Variants in STK33 observed in about 807,000 individuals in gnomAD.
STK33 encodes serine/threonine-protein kinase 33.
STK33 carries 52 observed loss-of-function variants against 58.0 expected under a neutral mutation model. That is an observed-to-expected ratio of 0.90 (90% CI 0.72 to 1.13). STK33 has a LOEUF of 1.13. STK33 is among the 50% of genes most tolerant of loss of function. The probability of loss-of-function intolerance (pLI) is 0.00; values close to 1 mark genes in which losing one functional copy is unlikely to be tolerated. For synonymous variants in STK33, 215 were observed against 200.1 expected, an observed-to-expected ratio of 1.07 and a Z score of -0.63; for missense variants, 630 against 604.2, an observed-to-expected ratio of 1.04 and a Z score of -0.45.
rs1940614065 is a variant in STK33, at chr11:8,413,413, AAGAC to A, written c.1344+78_1344+81del. The stretch of plus-strand genomic sequence containing the variant: ...GCCTTTGTTACAAACTAACAACAAA[AAGAC>A]AGATTTGCAAAAAAAATGTTCCAGG... On this transcript the variant is annotated intron_variant, in intron 15 of 15. Coordinates refer to ENST00000687296, the MANE Select transcript of STK33 (RefSeq NM_001352389.2). The A allele has an allele frequency of 5.5e-6, 8 of 1,461,160 alleles. No homozygotes were observed. The East Asian group carries it at 1.9e-4, about 34-fold the overall frequency. The allele number at this position is 1,461,160 out of a possible 1,614,324, so 90.5% of individuals were successfully genotyped here. A position where few individuals can be genotyped will look rare whatever the true frequency, so the allele number is the denominator to read the frequency against.
downstream of STK33, among the ~76,000 whole-genome samples, chr11:8,389,347 T>C (rs1848587350): frequency 6.6e-6 from 1 of 152,184 alleles, no homozygotes; most frequent in Non-Finnish European, 1.5e-5. Flanking sequence ...CATCTCCCCT[T>C]GGTGCCTTCA....
intron 1 of STK33, among the ~76,000 whole-genome samples, chr11:8,489,668 T>A (rs1219996844): frequency 6.6e-6 from 1 of 152,208 alleles, no homozygotes; most frequent in African/African-American, 2.4e-5. Flanking sequence ...AATCACCTCT[T>A]AAAGGTCCTA....
At chr11:8,395,005 G>A (rs138549288) in intron 15 of STK33, among the ~76,000 whole-genome samples, 152 of 152,230 alleles carry the variant, frequency 1.0e-3, no homozygotes, top group African/African-American at 3.6e-3. Flanking sequence ...AATTTATAGT[G>A]TACAATTTCA....
chr11:8,435,505 G>T lies in STK33; in HGVS notation c.1135C>A (p.Gln379Lys). The change falls in exon 14 of 16, where the codon CAG becomes AAG. Residue 379 changes from glutamine (Q) to lysine (K), a missense_variant. Coordinates refer to ENST00000687296, the MANE Select transcript of STK33 (RefSeq NM_001352389.2). Reference protein sequence around the residue: ...RITAKELLDNQWLTGNKLSSV... With the variant: ...RITAKELLDNKWLTGNKLSSV... ...ATATTGTAACTTACTGTTAACCACTGGTTATCTAGTAGTTCCTTAGCTGTG... is the reference window on the plus strand; with the variant it reads ...ATATTGTAACTTACTGTTAACCACTTGTTATCTAGTAGTTCCTTAGCTGTG... 1 of 1,458,502 alleles carries T rather than the reference G, an allele frequency of 6.9e-7. No homozygotes were observed. Among genetic ancestry groups the T allele is most frequent in the South Asian group, 1.6e-5 (1 of 61,542 alleles). 90.3% of individuals were successfully genotyped at this position (1,458,502 alleles called of 1,614,324 possible).
intron 1 of STK33, among the ~76,000 whole-genome samples, chr11:8,586,572 C>T (rs150159046): frequency 3.4e-4 from 52 of 152,168 alleles, no homozygotes; most frequent in Admixed American, 2.9e-3. Context: ...ACCTGTAATC[C>T]CAGCACTTTG....
chr11:8,474,612 T>A, intron 5 of STK33, 69 bp downstream of exon 5: 1 of 1,127,090 alleles, frequency 8.9e-7, no homozygotes, highest in Non-Finnish European at 1.3e-6. Context: ...GGGATATGGA[T>A]GAAGCTAGGA....
At chr11:8,440,283 A>G (rs750083791) in intron 12 of STK33, among the ~76,000 whole-genome samples, 2 of 152,090 alleles carry the variant, frequency 1.3e-5, no homozygotes, top group Non-Finnish European at 2.9e-5. Context: ...ACTCCCACCT[A>G]TGCTCTGCCT....
At chr11:8,553,225 GGT>G (rs1956481558) in intron 1 of STK33, among the ~76,000 whole-genome samples, 2 of 67,524 alleles carry the variant, frequency 3.0e-5, no homozygotes, top group African/African-American at 6.4e-5. Flanking sequence ...ATATATATAT[GGT>G]GTGTATATAT....
chr11:8,475,526 T>A (rs1468167363), intron 4 of STK33: 1 of 152,192 alleles, frequency 6.6e-6, no homozygotes, highest in Non-Finnish European at 1.5e-5. Flanking sequence ...TTAGAGCAAA[T>A]TCCTATTACA....
At chr11:8,574,551 A>G (rs1958045773) in intron 1 of STK33, among the ~76,000 whole-genome samples, 1 of 152,194 alleles carries the variant, frequency 6.6e-6, no homozygotes, top group African/African-American at 2.4e-5. Flanking sequence ...TCAAACATTT[A>G]AAGAAGAAAT....
chr11:8,428,860 T>C (rs1464716302), intron 14 of STK33, among the ~76,000 whole-genome samples: 2 of 152,160 alleles, frequency 1.3e-5, no homozygotes, highest in Non-Finnish European at 2.9e-5. Context: ...GTTCTCTTGA[T>C]CAATTATATA....
At chr11:8,517,473 T>C (rs1003744913) in intron 1 of STK33, among the ~76,000 whole-genome samples, 8 of 152,322 alleles carry the variant, frequency 5.3e-5, no homozygotes, top group East Asian at 1.9e-4. Context: ...GGAACAAAGC[T>C]GGACGGAGAA....
the STK33 span, among the ~76,000 whole-genome samples, chr11:8,360,988 G>A: frequency 1.3e-5 from 2 of 152,288 alleles, no homozygotes; most frequent in Middle Eastern, 3.4e-3. Flanking sequence ...CTAAATTAGC[G>A]TTGCATTGAA....
chr11:8,468,868 G>A lies in STK33; in HGVS notation c.340-4046C>T, dbSNP rs1948493125. Among the ~76,000 whole-genome samples, 3 of 151,990 alleles carry A rather than the reference G, an allele frequency of 2.0e-5. No homozygotes were observed. The South Asian group carries it at 6.2e-4, about 32-fold the overall frequency. On this transcript the variant is annotated intron_variant, in intron 6 of 15. Coordinates refer to ENST00000687296, the MANE Select transcript of STK33 (RefSeq NM_001352389.2). ...ACCATAAAGCAAAAATTGCAATAAA[G>A]CATATAAAAGTTATGTTTACACTAT...
At chr11:8,353,558 G>A in the STK33 span, among the ~76,000 whole-genome samples, 5 of 152,114 alleles carry the variant, frequency 3.3e-5, no homozygotes, top group African/African-American at 1.2e-4. Flanking sequence ...ATTATTAATG[G>A]ACTCCAAGGC....
At chr11:8,373,843 G>A in the STK33 span, among the ~76,000 whole-genome samples, 1 of 152,180 alleles carries the variant, frequency 6.6e-6, no homozygotes, top group Non-Finnish European at 1.5e-5. Flanking sequence ...TTTGACTAGT[G>A]GTTCTCAAAG....
intron 8 of STK33, among the ~76,000 whole-genome samples, chr11:8,460,374 A>C (rs1327965588): frequency 6.6e-6 from 1 of 151,844 alleles, no homozygotes; most frequent in Non-Finnish European, 1.5e-5. Context: ...CACATGGAAT[A>C]TATAGATATA....
At chr11:8,353,670 T>C in the STK33 span, among the ~76,000 whole-genome samples, 1 of 152,220 alleles carries the variant, frequency 6.6e-6, no homozygotes, top group Non-Finnish European at 1.5e-5. Flanking sequence ...CCCATTGTTT[T>C]TCGGCTGTCT....
At chr11:8,397,132 A>G (rs1335847517) in intron 15 of STK33, among the ~76,000 whole-genome samples, 2 of 152,232 alleles carry the variant, frequency 1.3e-5, no homozygotes, top group Admixed American at 6.5e-5. Flanking sequence ...CCCAGCACGC[A>G]GCTGGACATC....
Sources: allele counts gnomAD v4.1 joint callset (sites outside exome capture counted in the v4.1 genomes callset), GRCh38; gene constraint gnomAD v4.1.1; transcripts MANE v1.5; gene names NCBI Gene and HGNC (gene_info 2026-07-23, HGNC 2026-07-21).